Variants in PIK3CB observed in about 807,000 individuals in gnomAD.
PIK3CB encodes phosphatidylinositol 4,5-bisphosphate 3-kinase catalytic subunit beta isoform.
PIK3CB carries 39 observed loss-of-function variants against 136.8 expected under a neutral mutation model. The ratio of observed to expected loss-of-function variants is 0.29; its 90% CI spans 0.22 to 0.37. The LOEUF (loss-of-function observed/expected upper bound fraction) is 0.37. PIK3CB is among the 10% of genes least tolerant of loss of function. The pLI, the probability that PIK3CB is intolerant of heterozygous loss-of-function variation, is 1.00. For missense variants in PIK3CB, 868 were observed against 1,275.4 expected (o/e 0.68, Z 4.87); for synonymous variants, 428 against 436.6 (o/e 0.98, Z 0.25).
intron 21 of PIK3CB, among the ~76,000 whole-genome samples, chr3:138,663,612 C>T (rs2043345827): frequency 6.6e-6 from 1 of 152,132 alleles, no homozygotes; most frequent in African/African-American, 2.4e-5. Flanking sequence ...AAACTCCTGA[C>T]CTCAGGTAAT....
intron 19 of PIK3CB, among the ~76,000 whole-genome samples, chr3:138,673,105 A>G (rs1291305458): frequency 6.6e-6 from 1 of 152,130 alleles, no homozygotes; most frequent in Non-Finnish European, 1.5e-5. Context: ...GAGCACACAG[A>G]GACTTGAGTA....
At chr3:138,744,129 C>T (rs1290245818) in intron 4 of PIK3CB, among the ~76,000 whole-genome samples, 7 of 151,988 alleles carry the variant, frequency 4.6e-5, no homozygotes, top group South Asian at 2.1e-4. Context: ...CAGTGGCTCA[C>T]GCCTGTAATC....
chr3:138,726,941 T>C (rs1041575312), intron 8 of PIK3CB, among the ~76,000 whole-genome samples: 2 of 150,778 alleles, frequency 1.3e-5, no homozygotes, highest in Non-Finnish European at 2.9e-5. Context: ...GTCCCAGATA[T>C]ACAGGAGTCT....
At chr3:138,657,635 G>A in intron 22 of PIK3CB, 55 bp downstream of exon 22, 3 of 1,478,344 alleles carry the variant, frequency 2.0e-6, no homozygotes, top group Non-Finnish European at 2.8e-6. Context: ...TGGTCCACCT[G>A]GTCAGATAAG....
intron 1 of PIK3CB, among the ~76,000 whole-genome samples, chr3:138,810,736 G>A (rs1932995575): frequency 6.6e-6 from 1 of 151,750 alleles, no homozygotes; most frequent in Admixed American, 6.6e-5. Flanking sequence ...GGCTAACACC[G>A]TGAAACCCCA....
chr3:138,825,231 A>G, intron 1 of PIK3CB: 1 of 349,740 alleles, frequency 2.9e-6, no homozygotes, highest in Non-Finnish European at 5.4e-6. Context: ...TCAAGAAGAC[A>G]GAGACTTTAT....
intron 19 of PIK3CB, among the ~76,000 whole-genome samples, chr3:138,672,265 G>T (rs1329288235): frequency 2.0e-5 from 3 of 151,448 alleles, no homozygotes; most frequent in Non-Finnish European, 4.4e-5. Flanking sequence ...AACTGGGTAG[G>T]CAAGAAAAAA....
At chr3:138,757,397 C>T (rs1255593057) in intron 3 of PIK3CB, among the ~76,000 whole-genome samples, 1 of 148,124 alleles carries the variant, frequency 6.8e-6, no homozygotes, top group African/African-American at 2.5e-5. Context: ...AGCGAGACTC[C>T]GTCTCAAAAA....
intron 1 of PIK3CB, among the ~76,000 whole-genome samples, chr3:138,826,712 ACT>A (rs1192591461): frequency 6.6e-6 from 1 of 151,916 alleles, no homozygotes; most frequent in Non-Finnish European, 1.5e-5. Context: ...CAACACATAC[ACT>A]CTCTCACACA....
chr3:138,758,665 A>T (rs560587464), intron 3 of PIK3CB, among the ~76,000 whole-genome samples: 1 of 152,276 alleles, frequency 6.6e-6, no homozygotes, highest in Admixed American at 6.5e-5. Context: ...AAATACCGTA[A>T]CTCCTGATAT....
At chr3:138,776,255 A>G (rs1310509429) in intron 2 of PIK3CB, among the ~76,000 whole-genome samples, 1 of 152,204 alleles carries the variant, frequency 6.6e-6, no homozygotes, top group African/African-American at 2.4e-5. Flanking sequence ...TACCATTAGT[A>G]TAACAGTTAA....
At chr3:138,743,275 A>C (rs1419039249) in intron 4 of PIK3CB, among the ~76,000 whole-genome samples, 1 of 152,226 alleles carries the variant, frequency 6.6e-6, no homozygotes, top group Non-Finnish European at 1.5e-5. Context: ...GGGCAGAGGG[A>C]ATACGGAAAA....
At chr3:138,749,935 A>G (rs1290532522) in intron 4 of PIK3CB, among the ~76,000 whole-genome samples, 1 of 152,164 alleles carries the variant, frequency 6.6e-6, no homozygotes, top group Non-Finnish European at 1.5e-5. Context: ...GTGCAGTGGC[A>G]TGATCACAGC....
chr3:138,718,091 G>GT (rs1321032005), intron 8 of PIK3CB, among the ~76,000 whole-genome samples: 2 of 152,144 alleles, frequency 1.3e-5, no homozygotes, highest in Non-Finnish European at 2.9e-5. Context: ...TCTGCTTTTA[G>GT]TTTTTTAAGG....
intron 16 of PIK3CB, among the ~76,000 whole-genome samples, chr3:138,685,619 T>C (rs1307206901): frequency 6.6e-6 from 1 of 152,110 alleles, no homozygotes; most frequent in Non-Finnish European, 1.5e-5. Flanking sequence ...TCATCACTCT[T>C]GTATGATATC....
intron 16 of PIK3CB, 39 bp downstream of exon 16, chr3:138,688,836 C>A: frequency 1.5e-6 from 2 of 1,337,402 alleles, no homozygotes; most frequent in South Asian, 1.2e-5. Flanking sequence ...CGTTGTCTGT[C>A]AAAAAAAGAA....
chr3:138,762,555 C>A (rs1294911531), intron 2 of PIK3CB, among the ~76,000 whole-genome samples: 2 of 152,222 alleles, frequency 1.3e-5, no homozygotes, highest in Non-Finnish European at 2.9e-5. Context: ...AAGCAAATCA[C>A]TTCAGAGCAG....
At chr3:138,813,824 G>A (rs922514844) in intron 1 of PIK3CB, among the ~76,000 whole-genome samples, 2 of 152,156 alleles carry the variant, frequency 1.3e-5, no homozygotes, top group Admixed American at 6.6e-5. Flanking sequence ...TCATCCTCAG[G>A]TGGGGTAAAC....
intron 1 of PIK3CB, chr3:138,825,826 C>G: frequency 8.9e-7 from 1 of 1,122,302 alleles, no homozygotes; most frequent in East Asian, 2.3e-5. Context: ...TTGAAATGCA[C>G]CATGAAGCTT....
Sources: allele counts gnomAD v4.1 joint callset (sites outside exome capture counted in the v4.1 genomes callset), GRCh38; gene constraint gnomAD v4.1.1; transcripts MANE v1.5; gene names NCBI Gene and HGNC (gene_info 2026-07-23, HGNC 2026-07-21).